VPS13B: variants seen among roughly 807,000 people sequenced by gnomAD.
VPS13B encodes intermembrane lipid transfer protein VPS13B.
A neutral mutation model predicts 426.4 loss-of-function variants in VPS13B; 285 were observed. The ratio of observed to expected loss-of-function variants is 0.67; its 90% CI spans 0.61 to 0.74. The LOEUF (loss-of-function observed/expected upper bound fraction) is 0.74, where lower values mean the gene tolerates loss of function less well. VPS13B is among the 30% of genes least tolerant of loss of function. The pLI, the probability that VPS13B is intolerant of heterozygous loss-of-function variation, is 0.00. For synonymous variants in VPS13B, 1,676 were observed against 1,676.4 expected (o/e 1.00, Z 0.01); for missense variants, 4,537 against 4,782.6 (o/e 0.95, Z 1.51).
intron 17 of VPS13B, among the ~76,000 whole-genome samples, chr8:99,225,324 G>C (rs991647670): frequency 4.0e-5 from 6 of 151,424 alleles, no homozygotes; most frequent in African/African-American, 1.5e-4. Context: ...CTGTCGCCCA[G>C]GCTGGAGTGC....
chr8:99,766,066 C>CTTTTTTTTTT lies in VPS13B; in HGVS notation c.7051-690_7051-681dup, dbSNP rs71274933. Among the ~76,000 whole-genome samples, 8 of 52,340 alleles carry CTTTTTTTTTT rather than the reference C, an allele frequency of 1.5e-4. 1 individual carries two copies. Among genetic ancestry groups the CTTTTTTTTTT allele is most frequent in the Admixed American group, 2.6e-4 (1 of 3,790 alleles). 34.3% of individuals were successfully genotyped at this position (52,340 alleles called of 152,430 possible). ...CTTATTTGGTGTGGCACCTTCATTA[C>CTTTTTTTTTT]TTTTTTTTTTTTTTTTTTTTTTTTT... On this transcript the variant is annotated intron_variant, in intron 39 of 61. Coordinates refer to ENST00000357162, the MANE Select transcript of VPS13B (RefSeq NM_152564.5).
intron 17 of VPS13B, among the ~76,000 whole-genome samples, chr8:99,261,453 T>G (rs1455635668): frequency 2.6e-5 from 4 of 152,184 alleles, no homozygotes; most frequent in Non-Finnish European, 5.9e-5. Context: ...TACCATAATT[T>G]ATTCATTCAC....
intron 43 of VPS13B, among the ~76,000 whole-genome samples, chr8:99,795,651 T>A (rs1812767225): frequency 6.6e-6 from 1 of 152,184 alleles, no homozygotes; most frequent in African/African-American, 2.4e-5. Context: ...GCGTTTCTGA[T>A]AAGGTTGTAA....
chr8:99,468,558 G>A (rs971679701), intron 24 of VPS13B, among the ~76,000 whole-genome samples: 1 of 151,624 alleles, frequency 6.6e-6, no homozygotes. Flanking sequence ...TTTTTAAGTA[G>A]GTTCAAGTTA....
At chr8:99,137,494 T>A (rs1282657627) in intron 12 of VPS13B, among the ~76,000 whole-genome samples, 1 of 151,250 alleles carries the variant, frequency 6.6e-6, no homozygotes, top group Non-Finnish European at 1.5e-5. Context: ...TAACGTAGCA[T>A]GTTAAGAAGA....
chr8:99,144,360 G>T (rs940599196), intron 13 of VPS13B, among the ~76,000 whole-genome samples: 1 of 151,508 alleles, frequency 6.6e-6, no homozygotes, highest in Non-Finnish European at 1.5e-5. Flanking sequence ...TTAGTTGGGT[G>T]TGGTGGTACA....
At chr8:99,424,065 G>C (rs567486134) in intron 21 of VPS13B, among the ~76,000 whole-genome samples, 1 of 152,094 alleles carries the variant, frequency 6.6e-6, no homozygotes, top group Non-Finnish European at 1.5e-5. Flanking sequence ...AGGTCTCTAA[G>C]GACTTGCTTT....
chr8:99,744,633 T>C (rs1809970086), intron 39 of VPS13B, among the ~76,000 whole-genome samples: 1 of 152,178 alleles, frequency 6.6e-6, no homozygotes, highest in African/African-American at 2.4e-5. Context: ...TGGAATACTA[T>C]GCAGCCATAA....
At chr8:99,686,093 G>A (rs537835021) in intron 35 of VPS13B, among the ~76,000 whole-genome samples, 3 of 152,328 alleles carry the variant, frequency 2.0e-5, no homozygotes, top group East Asian at 1.9e-4. Context: ...CCCAGTAACT[G>A]TGTGGCTCTT....
chr8:99,096,579 A>G, intron 4 of VPS13B, 147 bp downstream of exon 4: 4 of 1,136,276 alleles, frequency 3.5e-6, no homozygotes, highest in Non-Finnish European at 5.0e-6. Context: ...AACATGGTGA[A>G]GCCATGTCTC....
intron 19 of VPS13B, among the ~76,000 whole-genome samples, chr8:99,324,013 C>G (rs1486001178): frequency 6.6e-6 from 1 of 152,138 alleles, no homozygotes; most frequent in East Asian, 1.9e-4. Flanking sequence ...GTAATGAATG[C>G]AGGCTGAGTT....
At chr8:99,214,502 C>T (rs902524427) in intron 17 of VPS13B, among the ~76,000 whole-genome samples, 4 of 152,006 alleles carry the variant, frequency 2.6e-5, no homozygotes, top group Non-Finnish European at 5.9e-5. Context: ...AGAAGAAGTC[C>T]TGGAATTTAA....
intron 21 of VPS13B, among the ~76,000 whole-genome samples, chr8:99,398,829 G>A (rs1307191249): frequency 9.2e-6 from 1 of 108,970 alleles, no homozygotes; most frequent in Non-Finnish European, 1.9e-5. Flanking sequence ...TTTTTTTTTT[G>A]CACTGTTTTA....
intron 3 of VPS13B, among the ~76,000 whole-genome samples, chr8:99,045,913 T>G (rs1843222273): frequency 6.6e-6 from 1 of 152,228 alleles, no homozygotes; most frequent in Non-Finnish European, 1.5e-5. Flanking sequence ...ATGTGCCTAT[T>G]TTTATACCAG....
intron 33 of VPS13B, among the ~76,000 whole-genome samples, chr8:99,632,104 T>C (rs1828871463): frequency 6.6e-6 from 1 of 151,934 alleles, no homozygotes; most frequent in Non-Finnish European, 1.5e-5. Context: ...GAACACTCTT[T>C]AATGGTGCTA....
At chr8:99,811,067 A>T (rs761417105) in intron 44 of VPS13B, among the ~76,000 whole-genome samples, 2 of 152,152 alleles carry the variant, frequency 1.3e-5, no homozygotes, top group Admixed American at 6.5e-5. Context: ...TGATTCTGTC[A>T]CTCATGGTCT....
intron 35 of VPS13B, among the ~76,000 whole-genome samples, chr8:99,680,813 C>G (rs1831126356): frequency 6.6e-6 from 1 of 152,154 alleles, no homozygotes; most frequent in African/African-American, 2.4e-5. Flanking sequence ...GGTTCCCTAT[C>G]CAGTTATATT....
intron 21 of VPS13B, among the ~76,000 whole-genome samples, chr8:99,397,998 C>T (rs185175959): frequency 5.9e-5 from 9 of 152,324 alleles, no homozygotes; most frequent in Non-Finnish European, 1.0e-4. Flanking sequence ...TATTTAGCTG[C>T]TTCCACCATA....
rs187859371 is a variant in VPS13B, at chr8:99,556,739, A to T, written c.4949+86A>T. 5 of 1,418,576 alleles carry T rather than the reference A, an allele frequency of 3.5e-6. No individual in the cohort carries two copies. In the Middle Eastern group the frequency reaches 5.8e-4, roughly 165 times the overall value. The allele number at this position is 1,418,576 out of a possible 1,614,324, so 87.9% of individuals were successfully genotyped here. A position where few individuals can be genotyped will look rare whatever the true frequency, so the allele number is the denominator to read the frequency against. ...GATACAATCTTTAGCATGTCCAACC[A>T]ACCTAAGTATTTTGGTATTGCTTCT... On this transcript the variant is annotated intron_variant, in intron 31 of 61. Coordinates refer to ENST00000357162, the MANE Select transcript of VPS13B (RefSeq NM_152564.5).
Sources: allele counts gnomAD v4.1 joint callset (sites outside exome capture counted in the v4.1 genomes callset), GRCh38; gene constraint gnomAD v4.1.1; transcripts MANE v1.5; gene names NCBI Gene and HGNC (gene_info 2026-07-23, HGNC 2026-07-21).